Variants in ANK3 observed in about 807,000 individuals in gnomAD.
The protein encoded by ANK3 is ankyrin 3.
A neutral mutation model predicts 370.9 loss-of-function variants in ANK3; 57 were observed. The observed-to-expected ratio is 0.15, with a 90% confidence interval of 0.12 to 0.19. The LOEUF is 0.19. Among genes scored for constraint, ANK3 ranks in the 10% least tolerant of loss-of-function variants. The pLI is 1.00. For synonymous variants in ANK3, 1,929 were observed against 1,946.3 expected (o/e 0.99, Z 0.23); for missense variants, 4,439 against 5,302.1 (o/e 0.84, Z 5.06).
intron 9 of ANK3, among the ~76,000 whole-genome samples, chr10:60,212,060 A>G (rs542208383): frequency 3.8e-4 from 58 of 152,272 alleles, no homozygotes; most frequent in Middle Eastern, 6.8e-3. Flanking sequence ...AAAAGAAGCT[A>G]TCTGATAACA....
At chr10:60,684,671 CTG>C in intron 1 of ANK3, 1 of 1,588,376 alleles carries the variant, frequency 6.3e-7, no homozygotes, top group Non-Finnish European at 8.6e-7. Context: ...GCATTTAACA[CTG>C]AGAAAATTAA....
At chr10:60,195,118 T>C (rs1325203250) in intron 16 of ANK3, among the ~76,000 whole-genome samples, 1 of 152,114 alleles carries the variant, frequency 6.6e-6, no homozygotes, top group Non-Finnish European at 1.5e-5. Flanking sequence ...CCGGGCGCGG[T>C]GTGTCACGCC....
chr10:60,082,057 G>T, intron 35 of ANK3, 93 bp downstream of exon 35: 1 of 942,230 alleles, frequency 1.1e-6, no homozygotes, highest in Non-Finnish European at 1.6e-6. Flanking sequence ...TAATTTATAT[G>T]TTTCCCACAC....
chr10:60,035,528 C>T (rs893736111), intron 43 of ANK3, among the ~76,000 whole-genome samples: 1 of 151,098 alleles, frequency 6.6e-6, no homozygotes, highest in Non-Finnish European at 1.5e-5. Context: ...GCTGGGATTA[C>T]AGGTGTGAGC....
At chr10:60,253,757 A>G (rs766666352) in intron 7 of ANK3, among the ~76,000 whole-genome samples, 6 of 152,220 alleles carry the variant, frequency 3.9e-5, no homozygotes, top group Non-Finnish European at 8.8e-5. Context: ...GGGGAGGTTT[A>G]CATAACCCTT....
chr10:60,245,500 C>T (rs1199406574), intron 7 of ANK3, among the ~76,000 whole-genome samples: 1 of 152,116 alleles, frequency 6.6e-6, no homozygotes, highest in Admixed American at 6.6e-5. Context: ...TGGTCACTTC[C>T]CATTTCTCTG....
chr10:60,407,585 C>A (rs968064849), intron 2 of ANK3, among the ~76,000 whole-genome samples: 2 of 152,146 alleles, frequency 1.3e-5, no homozygotes, highest in Admixed American at 6.5e-5. Context: ...GTAATTCATT[C>A]ATTCATTCAT....
intron 26 of ANK3, among the ~76,000 whole-genome samples, 184 bp from the exon 27 acceptor site, chr10:60,109,238 G>C (rs2092483315): frequency 2.0e-5 from 3 of 152,124 alleles, no homozygotes; most frequent in Admixed American, 2.0e-4. Context: ...TGTGCACTTT[G>C]CAAAAACTGA....
At chr10:60,197,388 C>G (rs972661798) in intron 14 of ANK3, among the ~76,000 whole-genome samples, 3 of 152,080 alleles carry the variant, frequency 2.0e-5, no homozygotes, top group African/African-American at 7.2e-5. Flanking sequence ...TGTGGGGGTC[C>G]CAATCATGAG....
chr10:60,486,446 T>C (rs2075349881), intron 2 of ANK3, among the ~76,000 whole-genome samples: 1 of 152,074 alleles, frequency 6.6e-6, no homozygotes, highest in African/African-American at 2.4e-5. Flanking sequence ...CTGGGTGTGG[T>C]GTGCGCACCT....
intron 1 of ANK3, among the ~76,000 whole-genome samples, chr10:60,701,373 A>G (rs1468951332): frequency 1.3e-5 from 2 of 152,126 alleles, no homozygotes; most frequent in African/African-American, 4.8e-5. Context: ...TGGCTCAACA[A>G]TCTTGCTTTA....
At chr10:60,319,125 G>T (rs999102758) in intron 1 of ANK3, among the ~76,000 whole-genome samples, 1 of 152,098 alleles carries the variant, frequency 6.6e-6, no homozygotes. Flanking sequence ...TCAAAATATT[G>T]CTGGACTGTA....
intron 1 of ANK3, among the ~76,000 whole-genome samples, chr10:60,719,471 C>A (rs1434123060): frequency 6.6e-6 from 1 of 152,084 alleles, no homozygotes; most frequent in Non-Finnish European, 1.5e-5. Flanking sequence ...ATGCTCAAAT[C>A]AGCAATATTT....
At chr10:60,494,003 A>G (rs1294432120) in intron 2 of ANK3, among the ~76,000 whole-genome samples, 3 of 152,170 alleles carry the variant, frequency 2.0e-5, no homozygotes, top group African/African-American at 4.8e-5. Context: ...TAGGAGAGAT[A>G]TGGACCCAGT....
At chr10:60,362,334 C>G (rs987310956) in intron 1 of ANK3, among the ~76,000 whole-genome samples, 2 of 152,128 alleles carry the variant, frequency 1.3e-5, no homozygotes, top group Admixed American at 1.3e-4. Context: ...GAATTATATG[C>G]CTATTCAGAC....
At chr10:60,557,946 A>G (rs1015955043) in intron 2 of ANK3, among the ~76,000 whole-genome samples, 4 of 152,214 alleles carry the variant, frequency 2.6e-5, no homozygotes, top group Admixed American at 6.5e-5. Context: ...TTGCATCTCA[A>G]TGATAAAAAT....
chr10:60,084,779 C>A lies in ANK3; in HGVS notation c.3897G>T (p.Thr1299=). The A allele has an allele frequency of 1.3e-6, 2 of 1,592,418 alleles. No homozygotes were observed. Among genetic ancestry groups the A allele is most frequent in the Non-Finnish European group, 1.7e-6 (2 of 1,170,730 alleles). Reference sequence around the variant, plus strand: ...CACATATCAATTCTCTGTACAGTTGCGTGGCTAACCCCACAGTTTCTAAAA... The same window carrying A: ...CACATATCAATTCTCTGTACAGTTGAGTGGCTAACCCCACAGTTTCTAAAA... The part of the protein sequence containing the change: ...HQVLETVGLA[T]QLYRELICVP... The change falls in exon 32 of 44, where the codon ACG becomes ACT. Residue 1299 remains threonine, a synonymous_variant. Coordinates refer to ENST00000280772, the MANE Select transcript of ANK3 (RefSeq NM_020987.5).
At chr10:60,607,867 A>G (rs1013096157) in intron 2 of ANK3, among the ~76,000 whole-genome samples, 22 of 152,196 alleles carry the variant, frequency 1.4e-4, no homozygotes, top group South Asian at 6.2e-4. Flanking sequence ...CACAGAGAGA[A>G]GAAGCTTATG....
chr10:60,422,076 A>T (rs1461194482), intron 2 of ANK3, among the ~76,000 whole-genome samples: 5 of 152,132 alleles, frequency 3.3e-5, no homozygotes, highest in Admixed American at 6.6e-5. Flanking sequence ...AGTTTTAGTG[A>T]TCAAGAAGTC....
Sources: allele counts gnomAD v4.1 joint callset (sites outside exome capture counted in the v4.1 genomes callset), GRCh38; gene constraint gnomAD v4.1.1; transcripts MANE v1.5; gene names NCBI Gene and HGNC (gene_info 2026-07-23, HGNC 2026-07-21).